Variants in SFXN4 observed in about 807,000 individuals in gnomAD.
SFXN4 encodes the protein sideroflexin 4.
Under a neutral mutation model 54.6 loss-of-function variants are expected in SFXN4, and 48 were observed. That is an observed-to-expected ratio of 0.88 (90% CI 0.70 to 1.12). The LOEUF (loss-of-function observed/expected upper bound fraction) is 1.12. Ranked by LOEUF, SFXN4 falls within the 50% of genes most tolerant of loss-of-function variation. The pLI is 0.00. For missense variants in SFXN4, 383 were observed against 409.2 expected (o/e 0.94, Z 0.55); for synonymous variants, 130 against 145.5 (o/e 0.89, Z 0.77).
Position 119,160,283 on chromosome 10 carries a change from G to A in SFXN4, c.335-530C>T, listed in dbSNP as rs544466545. Among the ~76,000 whole-genome samples, 39 of 151,970 alleles carry A rather than the reference G, an allele frequency of 2.6e-4. 1 individual carries two copies. Among genetic ancestry groups the A allele is most frequent in the Admixed American group, 2.3e-3 (35 of 15,266 alleles). ...CAGCACTTTGGGAGGCCAAGTGGGC[G>A]GATCAGAAGGTCAGGAGTTCGAGAC... On this transcript the variant is annotated intron_variant, in intron 5 of 13. Transcript: ENST00000355697.
At chr10:119,164,286 G>A (rs1248717651) in intron 1 of SFXN4, 90 bp from the exon 2 acceptor site, 11 of 424,150 alleles carry the variant, frequency 2.6e-5, no homozygotes, top group Admixed American at 5.6e-5. Context: ...TTTTTTTTCT[G>A]AGAACCTGCC....
At chr10:119,155,034 G>C (rs1369632979) in intron 11 of SFXN4, 28 bp downstream of exon 11, 1 of 1,513,760 alleles carries the variant, frequency 6.6e-7, no homozygotes, top group East Asian at 2.3e-5. Context: ...CAAAAGGCAA[G>C]CAGCTATAGC....
chr10:119,159,279 C>T (rs1589645352), intron 6 of SFXN4, among the ~76,000 whole-genome samples: 1 of 139,886 alleles, frequency 7.1e-6, no homozygotes, highest in East Asian at 2.0e-4. Context: ...GACTCTGTCT[C>T]GAAAAACAAA....
At chr10:119,160,708 GC>G (rs1228020051) in intron 5 of SFXN4, among the ~76,000 whole-genome samples, 1 of 150,046 alleles carries the variant, frequency 6.7e-6, no homozygotes, top group Non-Finnish European at 1.5e-5. Flanking sequence ...CAATTCTCCT[GC>G]CTCAGCCTCC....
At position 119,158,009 on chromosome 10, in the gene SFXN4, C is replaced by T; in HGVS notation, c.414G>A (p.Gln138=). ...LKGIKSVILP[Q]VFLCAYMAAF... is the part of the protein sequence containing the mutation. ...ATCGTGAAACAGGAAGAATGGCTAC[C>T]TGAGGTAAAATCACGGACTTGATCC... The change falls in exon 7 of 14, where the codon CAG becomes CAA. Residue 138 remains glutamine, a splice_region_variant and synonymous_variant. Coordinates refer to ENST00000355697, the MANE Select transcript of SFXN4 (RefSeq NM_213649.2). The T allele has an allele frequency of 6.2e-7, 1 of 1,614,172 alleles. No homozygotes were observed.
At chr10:119,146,101 C>G in intron 13 of SFXN4, 135 bp downstream of exon 13, 1 of 543,448 alleles carries the variant, frequency 1.8e-6, no homozygotes, top group Non-Finnish European at 3.3e-6. Context: ...GCTGGGATTA[C>G]AGGTGTGAGC....
intron 9 of SFXN4, among the ~76,000 whole-genome samples, 171 bp downstream of exon 9, chr10:119,157,497 C>G (rs1847320809): frequency 6.6e-6 from 1 of 150,576 alleles, no homozygotes; most frequent in South Asian, 2.1e-4. Context: ...TGCTTAGAAA[C>G]TTAAACTATT....
chr10:119,151,569 G>A (rs562387866), intron 11 of SFXN4, among the ~76,000 whole-genome samples: 145 of 151,604 alleles, frequency 9.6e-4, no homozygotes, highest in African/African-American at 3.4e-3. Context: ...AGGCTGGAGT[G>A]CAGTGGCGCA....
At chr10:119,165,099 C>T (rs893611931) in intron 1 of SFXN4, 76 of 459,344 alleles carry the variant, frequency 1.7e-4, no homozygotes, top group Non-Finnish European at 2.1e-4. Flanking sequence ...TTCTATTGGA[C>T]GGTGCTGCCC....
chr10:119,147,327 T>C (rs1462564329), intron 12 of SFXN4, among the ~76,000 whole-genome samples: 2 of 152,222 alleles, frequency 1.3e-5, no homozygotes, highest in Admixed American at 6.5e-5. Flanking sequence ...GATGCCCAGG[T>C]CCTCCGCCTC....
rs972570971 is a variant in SFXN4, at chr10:119,152,894, C to T, written c.732+2168G>A. 1.8e-4 allele frequency among the ~76,000 whole-genome samples: 28 copies of T among 152,188 alleles called. 1 individual carries two copies. Among genetic ancestry groups the T allele is most frequent in the Admixed American group, 1.8e-3 (27 of 15,254 alleles). On this transcript the variant is annotated intron_variant, in intron 11 of 13. Transcript: ENST00000355697. The stretch of plus-strand genomic sequence containing the variant: ...TCTGGATCCCACACTGCCAGAAGCC[C>T]GGTTAGTCCCTTCACTTCATATCAG...
In SFXN4 at chr10:119,158,106, A is replaced by G. The variant is rs780486115; in HGVS notation, c.361-44T>C. 3 of 1,578,320 alleles carry G rather than the reference A, an allele frequency of 1.9e-6. No individual in the cohort carries two copies. The African/African-American group carries it at 4.0e-5, about 21-fold the overall frequency. On this transcript the variant is annotated intron_variant, in intron 6 of 13. Transcript: ENST00000355697. ...AACAGAGTTACAAGTGTTGCTGTGG[A>G]AGGAGAACTTGCAGTAGCAAAGAAC...
At position 119,157,946 on chromosome 10, in the gene SFXN4, G is replaced by A. The variant is rs1356170113; in HGVS notation, c.415-19C>T. 6.2e-7 allele frequency: 1 copy of A among 1,614,150 alleles called. No homozygotes were observed. The highest frequency in any genetic ancestry group is 1.1e-5 in the South Asian group (1 of 91,084). On this transcript the variant is annotated intron_variant, in intron 7 of 13. Transcript: ENST00000355697. ...GGAAAACCTGCCGAGAGGGGCAAAT[G>A]GATCGCATTTTCGTTTCAAGCATAA... is the stretch of plus-strand genomic sequence containing the variant.
intron 11 of SFXN4, among the ~76,000 whole-genome samples, chr10:119,153,502 G>T (rs1328035870): frequency 6.6e-6 from 1 of 152,126 alleles, no homozygotes; most frequent in Non-Finnish European, 1.5e-5. Flanking sequence ...AGGAGTTTTG[G>T]ATCAGAGAAT....
chr10:119,162,246 G>C (rs1847581191), intron 3 of SFXN4, 94 bp downstream of exon 3: 1 of 935,796 alleles, frequency 1.1e-6, no homozygotes, highest in Admixed American at 2.1e-5. Flanking sequence ...AAGAGACGGA[G>C]ACAGAGATTA....
chr10:119,157,854 G>A lies in SFXN4; in HGVS notation c.471+17C>T, dbSNP rs2133610747. 1 of 1,613,822 alleles carries A rather than the reference G, an allele frequency of 6.2e-7. No homozygotes were observed. Among genetic ancestry groups the A allele is most frequent in the Non-Finnish European group, 8.5e-7 (1 of 1,179,752 alleles). The stretch of plus-strand genomic sequence containing the variant: ...ATAACACAAAACCCCACACTCTCTG[G>A]GTCTCATAATACTCACGTAACTTCT... On this transcript the variant is annotated intron_variant, in intron 8 of 13. Transcript: ENST00000355697.
intron 12 of SFXN4, among the ~76,000 whole-genome samples, chr10:119,147,062 G>A (rs1846847178): frequency 6.6e-6 from 1 of 152,206 alleles, no homozygotes; most frequent in South Asian, 2.1e-4. Flanking sequence ...CTCTGATCAG[G>A]AGGCTGTGAG....
intron 11 of SFXN4, among the ~76,000 whole-genome samples, chr10:119,148,145 T>C (rs1589628401): frequency 6.6e-6 from 1 of 151,998 alleles, no homozygotes; most frequent in African/African-American, 2.4e-5. Context: ...GCACTCCAGA[T>C]TGGGCGACGG....
chr10:119,157,610 T>A (rs979031246), intron 9 of SFXN4, 58 bp downstream of exon 9: 1 of 1,375,872 alleles, frequency 7.3e-7, no homozygotes, highest in African/African-American at 1.5e-5. Flanking sequence ...TTGGAATAAA[T>A]AAAACTTCCT....
Sources: gnomAD v4.1 joint callset for allele counts (sites outside exome capture counted in the v4.1 genomes callset) on GRCh38, gnomAD v4.1.1 for gene constraint, MANE v1.5 for transcripts, NCBI Gene and HGNC (gene_info 2026-07-23, HGNC 2026-07-21) for gene names.